COL13A1: variants seen among roughly 807,000 people sequenced by gnomAD.
COL13A1 encodes collagen alpha-1(XIII) chain.
COL13A1 carries 89 observed loss-of-function variants against 130.9 expected under a neutral mutation model. That is an observed-to-expected ratio of 0.68 (90% CI 0.57 to 0.81). The LOEUF is 0.81. Among genes scored for constraint, COL13A1 ranks in the 30% least tolerant of loss-of-function variants. The pLI, the probability that COL13A1 is intolerant of heterozygous loss-of-function variation, is 0.00. For missense variants in COL13A1, 879 were observed against 934.6 expected (o/e 0.94, Z 0.78); for synonymous variants, 402 against 341.6 (o/e 1.18, Z -1.95).
At chr10:69,816,717 G>A (rs76502942) in intron 1 of COL13A1, among the ~76,000 whole-genome samples, 2,042 of 152,230 alleles carry the variant, frequency 0.013, 113 homozygotes, top group Admixed American at 0.11. Context: ...GAAGTGCCCC[G>A]AGGAAGAAGG....
intron 40 of COL13A1, among the ~76,000 whole-genome samples, chr10:69,957,860 T>A (rs568514573): frequency 1.3e-5 from 2 of 152,236 alleles, no homozygotes; most frequent in African/African-American, 4.8e-5. Context: ...ACCACCATTG[T>A]CTCAAGGTTC....
intron 31 of COL13A1, among the ~76,000 whole-genome samples, chr10:69,933,632 C>CTGAT (rs2066454384): frequency 6.6e-6 from 1 of 152,116 alleles, no homozygotes; most frequent in African/African-American, 2.4e-5. Context: ...TGAAACAGGC[C>CTGAT]TGATTGTACA....
intron 17 of COL13A1, among the ~76,000 whole-genome samples, chr10:69,916,013 G>A (rs1353563406): frequency 1.3e-5 from 2 of 152,146 alleles, no homozygotes; most frequent in African/African-American, 2.4e-5. Flanking sequence ...CAGGGGTCTC[G>A]CTATCCAGCC....
chr10:69,925,058 A>G, intron 25 of COL13A1, 51 bp downstream of exon 25: 1 of 1,474,040 alleles, frequency 6.8e-7, no homozygotes, highest in Non-Finnish European at 9.0e-7. Flanking sequence ...TGGTAAATCA[A>G]AAAAGCATCT....
At position 69,906,826 on chromosome 10, in the gene COL13A1, G is replaced by A. The variant is rs535050188; in HGVS notation, c.921+1004G>A. 6.6e-4 allele frequency among the ~76,000 whole-genome samples: 100 copies of A among 152,166 alleles called. 1 individual carries two copies. The highest frequency in any genetic ancestry group is 3.5e-3 in the South Asian group (17 of 4,808). ...GCTCACTGCAACCCCCGCCTCCCAG[G>A]TTCAAGTGATTCTCCTGCCTCAGCC... is the stretch of plus-strand genomic sequence containing the variant. On this transcript the variant is annotated intron_variant, in intron 17 of 40. Coordinates refer to ENST00000645393, the MANE Select transcript of COL13A1 (RefSeq NM_001368882.1).
chr10:69,887,309 C>T lies in COL13A1; in HGVS notation c.514-147C>T, dbSNP rs547652443. On this transcript the variant is annotated intron_variant, in intron 7 of 40. Coordinates refer to ENST00000645393, the MANE Select transcript of COL13A1 (RefSeq NM_001368882.1). ...TCCATTTCATCTTTCTCCATCTTCC[C>T]TCCCAACCCACTAACCACAGTGAGT... 197 of 762,000 alleles carry T rather than the reference C, an allele frequency of 2.6e-4. 1 individual carries two copies. In the South Asian group the frequency reaches 3.3e-3, roughly 13 times the overall value. The allele number at this position is 762,000 out of a possible 1,614,324, so 47.2% of individuals were successfully genotyped here. A position where few individuals can be genotyped will look rare whatever the true frequency, so the allele number is the denominator to read the frequency against.
intron 2 of COL13A1, among the ~76,000 whole-genome samples, chr10:69,833,866 G>A (rs1849393825): frequency 6.6e-6 from 1 of 152,136 alleles, no homozygotes. Context: ...AGAAAAGTTG[G>A]GGGTTGGGGA....
At chr10:69,825,549 C>A (rs977187664) in intron 2 of COL13A1, among the ~76,000 whole-genome samples, 2 of 152,180 alleles carry the variant, frequency 1.3e-5, no homozygotes, top group African/African-American at 4.8e-5. Context: ...CCTTATCCCT[C>A]ACCCCACCCC....
chr10:69,857,846 G>A (rs1033903490), intron 2 of COL13A1, among the ~76,000 whole-genome samples: 2 of 152,298 alleles, frequency 1.3e-5, no homozygotes, highest in East Asian at 1.9e-4. Flanking sequence ...GGCTGGGCGC[G>A]GTGGCTCGTG....
chr10:69,836,715 G>A (rs1299450486), intron 2 of COL13A1, among the ~76,000 whole-genome samples: 1 of 152,204 alleles, frequency 6.6e-6, no homozygotes, highest in Non-Finnish European at 1.5e-5. Flanking sequence ...GGCACACAGA[G>A]CTACATCCTT....
intron 39 of COL13A1, 182 bp from the exon 40 acceptor site, chr10:69,956,822 C>A (rs745993315): frequency 5.0e-6 from 3 of 597,620 alleles, no homozygotes; most frequent in Non-Finnish European, 6.2e-6. Context: ...GTAAAATAGC[C>A]GGATTTGTTT....
intron 2 of COL13A1, among the ~76,000 whole-genome samples, chr10:69,850,813 G>A (rs1393315433): frequency 6.6e-6 from 1 of 152,244 alleles, no homozygotes; most frequent in African/African-American, 2.4e-5. Context: ...GCCCACCCAG[G>A]TAGTTCTGGA....
At chr10:69,928,802 A>G in intron 27 of COL13A1, 135 bp from the exon 28 acceptor site, 3 of 578,674 alleles carry the variant, frequency 5.2e-6, no homozygotes. Context: ...CTTTGCAAAA[A>G]ATGCATCTCT....
chr10:69,850,389 G>A (rs1336655108), intron 2 of COL13A1, among the ~76,000 whole-genome samples: 1 of 25,014 alleles, frequency 4.0e-5, no homozygotes, highest in Admixed American at 4.6e-4. Context: ...AGTGGGATGA[G>A]GATAACAATC....
chr10:69,926,908 C>T (rs1382746840), intron 26 of COL13A1, among the ~76,000 whole-genome samples, 179 bp from the exon 27 acceptor site: 2 of 152,020 alleles, frequency 1.3e-5, no homozygotes, highest in African/African-American at 2.4e-5. Flanking sequence ...CAAACCTCAG[C>T]GAGAGGTGGG....
chr10:69,886,681 C>A (rs1308491381), intron 7 of COL13A1, among the ~76,000 whole-genome samples: 1 of 152,204 alleles, frequency 6.6e-6, no homozygotes, highest in African/African-American at 2.4e-5. Context: ...TCCATCACCC[C>A]TGACCACCTG....
chr10:69,867,539 G>T (rs1229675270), intron 2 of COL13A1, among the ~76,000 whole-genome samples: 1 of 152,252 alleles, frequency 6.6e-6, no homozygotes, highest in Admixed American at 6.5e-5. Flanking sequence ...AACTGAGGCA[G>T]AAGGGCCACC....
At chr10:69,936,712 C>T (rs2066966446) in intron 32 of COL13A1, 44 bp from the exon 33 acceptor site, 1 of 1,612,418 alleles carries the variant, frequency 6.2e-7, no homozygotes, top group African/African-American at 1.3e-5. Context: ...GTTGTGTTAA[C>T]TAGAGATGCA....
chr10:69,929,311 G>T (rs562981207), intron 28 of COL13A1, among the ~76,000 whole-genome samples: 1 of 151,948 alleles, frequency 6.6e-6, no homozygotes, highest in African/African-American at 2.4e-5. Context: ...CTCGGCATCT[G>T]AGCCCCTCCC....
Sources: allele counts gnomAD v4.1 joint callset (sites outside exome capture counted in the v4.1 genomes callset), GRCh38; gene constraint gnomAD v4.1.1; transcripts MANE v1.5; gene names NCBI Gene and HGNC (gene_info 2026-07-23, HGNC 2026-07-21).